The following FSTL1 variants were observed in gnomAD, a reference collection of about 807,000 sequenced individuals.
FSTL1 encodes follistatin-related protein 1.
A neutral mutation model predicts 45.9 loss-of-function variants in FSTL1; 24 were observed. The observed-to-expected ratio is 0.52, with a 90% confidence interval of 0.38 to 0.74. FSTL1 has a LOEUF of 0.74. FSTL1 is among the 30% of genes least tolerant of loss of function. The probability of loss-of-function intolerance (pLI) is 0.00; values close to 1 mark genes in which losing one functional copy is unlikely to be tolerated. For synonymous variants in FSTL1, 120 were observed against 137.6 expected (o/e 0.87, Z 0.89); for missense variants, 340 against 381.8 (o/e 0.89, Z 0.91).
In FSTL1 at chr3:120,411,910, C is replaced by T. The variant is rs762080512; in HGVS notation, c.242G>A (p.Arg81Gln). Residue 81 changes from arginine to glutamine, a missense_variant, in exon 4 of 11, where the codon CGA (arginine) becomes CAA (glutamine). Coordinates refer to ENST00000295633, the MANE Select transcript of FSTL1 (RefSeq NM_007085.5). ...TTTGGATCCAGTGAGGCAGGCATCT[C>T]GATGCAGTTCACAGTGGTTGAGGTA... The part of the protein sequence containing the change: ...KTYLNHCELH[R>Q]DACLTGSKIQ... 41 of 1,613,056 alleles carry T rather than the reference C, an allele frequency of 2.5e-5. No homozygotes were observed. The highest frequency in any genetic ancestry group is 1.6e-4 in the Middle Eastern group (1 of 6,082).
intron 10 of FSTL1, among the ~76,000 whole-genome samples, chr3:120,397,808 T>C (rs1936732130): frequency 6.6e-6 from 1 of 152,140 alleles, no homozygotes; most frequent in African/African-American, 2.4e-5. Flanking sequence ...TGTGCGAAAA[T>C]GTTCCTAACA....
intron 10 of FSTL1, 27 bp from the exon 11 acceptor site, chr3:120,397,023 T>A: frequency 6.4e-7 from 1 of 1,573,058 alleles, no homozygotes; most frequent in Non-Finnish European, 8.7e-7. Context: ...AAAATAGGCG[T>A]CATGGAAATA....
At chr3:120,400,766 G>A (rs1272893626) in intron 9 of FSTL1, among the ~76,000 whole-genome samples, 1 of 152,098 alleles carries the variant, frequency 6.6e-6, no homozygotes, top group Non-Finnish European at 1.5e-5. Context: ...TAACTCTCAG[G>A]TATTAACCTG....
chr3:120,399,840 T>A (rs762073333), intron 10 of FSTL1, 43 bp downstream of exon 10: 48 of 1,353,660 alleles, frequency 3.5e-5, no homozygotes, highest in Non-Finnish European at 5.0e-5. Flanking sequence ...TAGGGCCTGA[T>A]GGCAACAGCA....
chr3:120,402,961 T>A (rs767668404), intron 8 of FSTL1, 43 bp from the exon 9 acceptor site: 1 of 1,240,688 alleles, frequency 8.1e-7, no homozygotes, highest in Non-Finnish European at 1.2e-6. Flanking sequence ...GCTGTGAGGG[T>A]GGAACAGGGC....
At position 120,411,848 on chromosome 3, in the gene FSTL1, C is replaced by T; in HGVS notation, c.298+6G>A. 1.2e-6 allele frequency: 2 copies of T among 1,613,540 alleles called. No homozygotes were observed. Among genetic ancestry groups the T allele is most frequent in the African/African-American group, 1.3e-5 (1 of 75,060 alleles). The stretch of plus-strand genomic sequence containing the variant: ...GCTGCCTTGCAGTGGTGAGAGCACA[C>T]CTTACCTTTGCAGTGTCCATCGTAA... On this transcript the variant is annotated splice_donor_region_variant and intron_variant, in intron 4 of 10. Coordinates refer to ENST00000295633, the MANE Select transcript of FSTL1 (RefSeq NM_007085.5).
chr3:120,407,769 T>C (rs1281820281), intron 6 of FSTL1, among the ~76,000 whole-genome samples: 1 of 152,198 alleles, frequency 6.6e-6, no homozygotes, highest in Non-Finnish European at 1.5e-5. Context: ...TGCCAGAGTG[T>C]CTGGGAAGAG....
chr3:120,409,526 G>A lies in FSTL1; in HGVS notation c.462+6C>T. On this transcript the variant is annotated splice_donor_region_variant and intron_variant, in intron 6 of 10. Transcript: ENST00000295633. Reference sequence around the variant, plus strand: ...CTGAATAGTCTTCCTCCTACCTCTGGATTACCTTAAAATACTTGTCTAGGA... The same window carrying A: ...CTGAATAGTCTTCCTCCTACCTCTGAATTACCTTAAAATACTTGTCTAGGA... The A allele has an allele frequency of 6.2e-7, 1 of 1,613,456 alleles. No individual in the cohort carries two copies. The highest frequency in any genetic ancestry group is 8.5e-7 in the Non-Finnish European group (1 of 1,179,430).
rs1262577809 is a variant in FSTL1 at position 120,450,725 on chromosome 3, G to A, written c.22C>T (p.Leu8Phe). 5 of 1,124,186 alleles carry A rather than the reference G, an allele frequency of 4.4e-6. No individual in the cohort carries two copies. The East Asian group carries it at 1.6e-4, about 35-fold the overall frequency. The allele number at this position is 1,124,186 out of a possible 1,614,324, so 69.6% of individuals were successfully genotyped here. MWKRWLA[L>F]ALALVAVAWV... is the part of the protein sequence containing the mutation. The stretch of plus-strand genomic sequence containing the variant: ...GCGACCGCCACCAGCGCGAGCGCGA[G>A]CGCGAGCCAGCGTTTCCACATCTGC... Residue 8 changes from leucine to phenylalanine, a missense_variant, in exon 2 of 11, where the codon CTC (leucine) becomes TTC (phenylalanine). Leu to Phe is a conservative substitution (Grantham distance 22). Transcript: ENST00000295633.
chr3:120,442,365 A>G (rs1409943244), intron 2 of FSTL1, among the ~76,000 whole-genome samples: 1 of 145,726 alleles, frequency 6.9e-6, no homozygotes, highest in African/African-American at 2.4e-5. Context: ...AGTTAGAGAC[A>G]TTATGTGACT....
At chr3:120,413,361 T>G (rs1230063874) in intron 3 of FSTL1, among the ~76,000 whole-genome samples, 2 of 152,164 alleles carry the variant, frequency 1.3e-5, no homozygotes, top group East Asian at 3.9e-4. Flanking sequence ...GGCACTGTCT[T>G]CACAGCATCT....
chr3:120,434,172 G>C (rs1937518139), intron 2 of FSTL1, among the ~76,000 whole-genome samples: 1 of 152,174 alleles, frequency 6.6e-6, no homozygotes, highest in African/African-American at 2.4e-5. Context: ...GGGGACAGAG[G>C]ACAGTCAATG....
At position 120,442,920 on chromosome 3, in the gene FSTL1, A is replaced by C. The variant is rs561271220; in HGVS notation, c.63+7764T>G. On this transcript the variant is annotated intron_variant, in intron 2 of 10. Transcript: ENST00000295633. Reference sequence around the variant, plus strand: ...ACAAGGTAAGATAAAGTGAAGGGGAACATCACACTCTGGGGACTGTTGTGG... The same window carrying C: ...ACAAGGTAAGATAAAGTGAAGGGGACCATCACACTCTGGGGACTGTTGTGG... Among the ~76,000 whole-genome samples the C allele has an allele frequency of 2.4e-4, 30 of 124,588 alleles. No individual in the cohort carries two copies. The South Asian group carries it at 6.2e-3, about 26-fold the overall frequency. 81.7% of individuals were successfully genotyped at this position (124,588 alleles called of 152,430 possible). A position where few individuals can be genotyped will look rare whatever the true frequency, so the allele number is the denominator to read the frequency against.
At chr3:120,440,543 T>C (rs1937617321) in intron 2 of FSTL1, among the ~76,000 whole-genome samples, 1 of 152,232 alleles carries the variant, frequency 6.6e-6, no homozygotes, top group Non-Finnish European at 1.5e-5. Context: ...TCACATTGCA[T>C]CACTTTGAGC....
intron 3 of FSTL1, 49 bp downstream of exon 3, chr3:120,415,874 C>A (rs1455540307): frequency 2.0e-6 from 2 of 1,012,152 alleles, no homozygotes; most frequent in East Asian, 4.7e-5. Flanking sequence ...CCGCAAGGTA[C>A]CACATTGGCC....
chr3:120,415,887 G>T, intron 3 of FSTL1, 36 bp downstream of exon 3: 1 of 1,310,212 alleles, frequency 7.6e-7, no homozygotes, highest in Non-Finnish European at 1.1e-6. Context: ...CATTGGCCTT[G>T]GCCACTGTCC....
Position 120,396,968 on chromosome 3 carries a change from C to G in FSTL1, c.911G>C (p.Ser304Thr). ...GCCTCCTCATTAGATCTCTTTGGTG[C>G]TCACTCTCTTGGTCTTTTCAGCTGT... Reference protein sequence around the residue: ...QETAEKTKRVSTKEI With the variant: ...QETAEKTKRVTTKEI The change falls in exon 11 of 11, where the codon AGC becomes ACC. Residue 304 changes from serine (S) to threonine (T), a missense_variant. Ser to Thr is a moderately conservative substitution (Grantham distance 58, BLOSUM62 1). Transcript: ENST00000295633. 6.2e-7 allele frequency: 1 copy of G among 1,611,846 alleles called. No homozygotes were observed. Among genetic ancestry groups the G allele is most frequent in the Admixed American group, 1.7e-5 (1 of 60,008 alleles).
chr3:120,406,692 T>TG (rs1002075524), intron 6 of FSTL1, among the ~76,000 whole-genome samples: 8 of 152,170 alleles, frequency 5.3e-5, no homozygotes, highest in Admixed American at 2.6e-4. Flanking sequence ...CTGGAATGCC[T>TG]GGGGGGTCTG....
chr3:120,403,945 C>CA (rs1560011583), intron 7 of FSTL1, among the ~76,000 whole-genome samples: 3 of 74,466 alleles, frequency 4.0e-5, no homozygotes, highest in Non-Finnish European at 7.8e-5. Context: ...AAAAAAAAAA[C>CA]AAAAACAAAA....
Sources: gnomAD v4.1 joint callset for allele counts (sites outside exome capture counted in the v4.1 genomes callset) on GRCh38, gnomAD v4.1.1 for gene constraint, MANE v1.5 for transcripts, NCBI Gene and HGNC (gene_info 2026-07-23, HGNC 2026-07-21) for gene names.